JAZF1: variants seen among roughly 807,000 people sequenced by gnomAD.
JAZF1 encodes juxtaposed with another zinc finger protein 1.
JAZF1 carries 8 observed loss-of-function variants against 26.4 expected under a neutral mutation model. The ratio of observed to expected loss-of-function variants is 0.30; its 90% confidence interval spans 0.18 to 0.55. The LOEUF is 0.55. Among genes scored for constraint, JAZF1 ranks in the 20% least tolerant of loss-of-function variants. The pLI is 0.94. For missense variants in JAZF1, 199 were observed against 322.0 expected (o/e 0.62, Z 2.92); for synonymous variants, 126 against 122.3 (o/e 1.03, Z -0.20).
At chr7:28,042,878 T>A (rs541241617) in intron 1 of JAZF1, among the ~76,000 whole-genome samples, 1 of 152,190 alleles carries the variant, frequency 6.6e-6, no homozygotes, top group Non-Finnish European at 1.5e-5. Context: ...TACACTCTTA[T>A]GATGTTCAGG....
chr7:27,922,538 C>T (rs1031633125), intron 2 of JAZF1, among the ~76,000 whole-genome samples: 2 of 152,160 alleles, frequency 1.3e-5, no homozygotes, highest in Admixed American at 6.5e-5. Context: ...CATGACCCAC[C>T]GCGCCAGGCC....
intron 3 of JAZF1, among the ~76,000 whole-genome samples, chr7:27,857,015 C>T (rs1334685470): frequency 1.3e-5 from 2 of 152,250 alleles, no homozygotes; most frequent in Admixed American, 1.3e-4. Context: ...GCACCAGGGC[C>T]GCAGGTGGAG....
chr7:28,027,119 C>T (rs1783106931), intron 1 of JAZF1, among the ~76,000 whole-genome samples: 1 of 152,228 alleles, frequency 6.6e-6, no homozygotes, highest in African/African-American at 2.4e-5. Context: ...GGTGAGGCCC[C>T]TTCTCCCATC....
At chr7:27,946,492 T>C (rs1433103352) in intron 2 of JAZF1, among the ~76,000 whole-genome samples, 1 of 151,926 alleles carries the variant, frequency 6.6e-6, no homozygotes, top group Middle Eastern at 3.2e-3. Context: ...CATCCGAGAG[T>C]CTCCATGATT....
intron 1 of JAZF1, among the ~76,000 whole-genome samples, chr7:28,047,144 C>T (rs1364186401): frequency 6.6e-6 from 1 of 152,106 alleles, no homozygotes; most frequent in Non-Finnish European, 1.5e-5. Context: ...GTTGACTCAA[C>T]ACTATATATT....
intron 1 of JAZF1, among the ~76,000 whole-genome samples, chr7:28,033,498 G>A (rs963311610): frequency 7.9e-5 from 12 of 152,170 alleles, no homozygotes; most frequent in South Asian, 2.1e-4. Context: ...TAAAACCCCT[G>A]GAAGAGAGAG....
At chr7:27,877,370 A>G (rs1051404228) in intron 3 of JAZF1, among the ~76,000 whole-genome samples, 3 of 152,196 alleles carry the variant, frequency 2.0e-5, no homozygotes, top group Non-Finnish European at 2.9e-5. Context: ...GGAAGCGAAC[A>G]TGGAAAGGTA....
chr7:27,980,415 T>C (rs1785559726), intron 2 of JAZF1, among the ~76,000 whole-genome samples: 1 of 152,192 alleles, frequency 6.6e-6, no homozygotes, highest in Non-Finnish European at 1.5e-5. Flanking sequence ...ATGTTCAACA[T>C]ATTATGTTCA....
chr7:28,134,742 TAAG>T (rs1476719971), intron 1 of JAZF1, among the ~76,000 whole-genome samples: 2 of 152,172 alleles, frequency 1.3e-5, no homozygotes, highest in Non-Finnish European at 2.9e-5. Context: ...CCAAATGATA[TAAG>T]AAGAGAGAAT....
chr7:28,163,850 T>C (rs1298807044), intron 1 of JAZF1, among the ~76,000 whole-genome samples: 3 of 152,234 alleles, frequency 2.0e-5, no homozygotes, highest in Admixed American at 1.3e-4. Flanking sequence ...TTTTGGACTC[T>C]TCCTATTTCT....
chr7:28,165,741 C>T (rs1045879693), intron 1 of JAZF1, among the ~76,000 whole-genome samples: 1 of 152,186 alleles, frequency 6.6e-6, no homozygotes, highest in East Asian at 1.9e-4. Flanking sequence ...TCAAAGAGGC[C>T]GTCCCAGACC....
chr7:27,896,303 A>AT lies in JAZF1; in HGVS notation c.189-888_189-887insA, dbSNP rs1214575541. Among the ~76,000 whole-genome samples the AT allele has an allele frequency of 4.2e-3, 647 of 152,334 alleles. 4 individuals carry two copies. The highest frequency in any genetic ancestry group is 0.015 in the African/African-American group (626 of 41,584). ...ATTCCTGTAATATGAGATTCAAAAC[A>AT]ATCTATGAAATGGTATCTCCTACCT... is the stretch of plus-strand genomic sequence containing the variant. On this transcript the variant is annotated intron_variant, in intron 2 of 4. Coordinates refer to ENST00000283928, the MANE Select transcript of JAZF1 (RefSeq NM_175061.4).
chr7:27,853,121 CTGGTTTT>C (rs1229543157), intron 3 of JAZF1, among the ~76,000 whole-genome samples: 1 of 152,128 alleles, frequency 6.6e-6, no homozygotes, highest in Admixed American at 6.6e-5. Context: ...TGTACTTCTG[CTGGTTTT>C]TGGTGTCAGT....
intron 3 of JAZF1, chr7:27,844,333 G>A (rs763185017): frequency 6.6e-6 from 1 of 152,222 alleles, no homozygotes; most frequent in Non-Finnish European, 1.5e-5. Context: ...TTTCCCACAA[G>A]AGGAAAATAA....
chr7:28,088,409 G>A (rs1784242063), intron 1 of JAZF1, among the ~76,000 whole-genome samples: 1 of 152,144 alleles, frequency 6.6e-6, no homozygotes. Flanking sequence ...AAGTGCTATT[G>A]GTGGCTCCCT....
At chr7:28,004,349 G>C (rs1188620665) in intron 1 of JAZF1, among the ~76,000 whole-genome samples, 1 of 151,736 alleles carries the variant, frequency 6.6e-6, no homozygotes, top group African/African-American at 2.4e-5. Context: ...CAAGAGCCTA[G>C]AGGGCCAATG....
intron 1 of JAZF1, among the ~76,000 whole-genome samples, chr7:28,078,640 G>GT (rs1302986986): frequency 2.0e-5 from 3 of 151,900 alleles, no homozygotes; most frequent in East Asian, 1.9e-4. Flanking sequence ...ATCTACTTGG[G>GT]TTTTTTTTGT....
At chr7:27,944,282 C>T (rs915982502) in intron 2 of JAZF1, among the ~76,000 whole-genome samples, 6 of 152,196 alleles carry the variant, frequency 3.9e-5, no homozygotes, top group Admixed American at 3.9e-4. Flanking sequence ...ATGCATGAGT[C>T]CAGTGCAAGA....
intron 2 of JAZF1, among the ~76,000 whole-genome samples, chr7:27,926,773 TCCTCTCAGG>T (rs1784606601): frequency 6.6e-6 from 1 of 152,234 alleles, no homozygotes; most frequent in Non-Finnish European, 1.5e-5. Flanking sequence ...AGTTCAAGAA[TCCTCTCAGG>T]CTGGGGCTCT....
Sources: gnomAD v4.1 joint callset for allele counts (sites outside exome capture counted in the v4.1 genomes callset) on GRCh38, gnomAD v4.1.1 for gene constraint, MANE v1.5 for transcripts, NCBI Gene and HGNC (gene_info 2026-07-23, HGNC 2026-07-21) for gene names.